Variants in COL4A2 observed in about 807,000 individuals in gnomAD.
The protein encoded by COL4A2 is collagen type IV alpha 2 chain, also known as collagen alpha-2(IV) chain.
A neutral mutation model predicts 200.2 loss-of-function variants in COL4A2; 99 were observed. The ratio of observed to expected loss-of-function variants is 0.49; its 90% CI spans 0.42 to 0.58. COL4A2 has a LOEUF of 0.58. Ranked by LOEUF, COL4A2 falls within the 20% of genes least tolerant of loss-of-function variation. COL4A2 has a pLI of 0.00. For missense variants in COL4A2, 1,950 were observed against 2,314.1 expected, an observed-to-expected ratio of 0.84 and a Z score of 3.23; for synonymous variants, 897 against 900.6, an observed-to-expected ratio of 1.00 and a Z score of 0.07.
At chr13:110,500,372 A>G (rs1466604197) in intron 40 of COL4A2, among the ~76,000 whole-genome samples, 2 of 152,246 alleles carry the variant, frequency 1.3e-5, no homozygotes, top group Non-Finnish European at 2.9e-5. Context: ...GAGGTAAAAC[A>G]AAAGGCTGAA....
At position 110,489,448 on chromosome 13, in the gene COL4A2, G is replaced by T; in HGVS notation, c.3211G>T (p.Asp1071Tyr). The T allele has an allele frequency of 6.2e-7, 1 of 1,614,178 alleles. No homozygotes were observed. The highest frequency in any genetic ancestry group is 1.1e-5 in the South Asian group (1 of 91,066). ...GFPGFIGSRG[D>Y]KGAPGRAGLY... is the part of the protein sequence containing the mutation. ...GATGGTTCATGTCTGTCTTTAGGGT[G>T]ACAAAGGTGCCCCAGGGAGAGCAGG... Residue 1071 changes from aspartate (D) to tyrosine (Y), a missense_variant, in exon 35 of 48, where the codon GAC becomes TAC. Physicochemically the swap from Asp to Tyr is radical, Grantham distance 160 (BLOSUM62 -3). Transcript: ENST00000360467.
chr13:110,385,080 C>G (rs188376572), intron 4 of COL4A2, among the ~76,000 whole-genome samples: 2 of 151,972 alleles, frequency 1.3e-5, no homozygotes, highest in African/African-American at 4.8e-5. Flanking sequence ...TTGGCTAACA[C>G]GGTAAAACAC....
chr13:110,470,042 G>A lies in COL4A2; in HGVS notation c.2203+718G>A, dbSNP rs750306902. Among the ~76,000 whole-genome samples the A allele has an allele frequency of 2.0e-5, 3 of 151,086 alleles. No homozygotes were observed. The South Asian group carries it at 6.3e-4, about 32-fold the overall frequency. ...CGACTCTCCTGCCTCAGCCTCCTGA[G>A]TAGCTGGGATTACAGGCATGTGCCA... is the stretch of plus-strand genomic sequence containing the variant. On this transcript the variant is annotated intron_variant, in intron 28 of 47. Coordinates refer to ENST00000360467, the MANE Select transcript of COL4A2 (RefSeq NM_001846.4).
intron 11 of COL4A2, among the ~76,000 whole-genome samples, chr13:110,433,788 T>C (rs147158620): frequency 8.5e-4 from 129 of 152,344 alleles, no homozygotes; most frequent in African/African-American, 2.8e-3. Flanking sequence ...GTCAGCGTTG[T>C]CAGTCCTCCC....
chr13:110,472,500 G>A (rs947287123), intron 28 of COL4A2, among the ~76,000 whole-genome samples: 6 of 152,096 alleles, frequency 3.9e-5, no homozygotes, highest in South Asian at 2.1e-4. Flanking sequence ...GGCAGGCAGC[G>A]TTTTGGCTCT....
In COL4A2 at chr13:110,308,272, G is replaced by A. The variant is rs577161614; in HGVS notation, c.99+149G>A. On this transcript the variant is annotated intron_variant, in intron 3 of 47. Transcript: ENST00000360467. ...GGCTGCCCACCAAGGTTCTGAGAAA[G>A]CTTGCTCTTCCCTCATCATGCTTTC... 7 of 852,580 alleles carry A rather than the reference G, an allele frequency of 8.2e-6. No homozygotes were observed. In the South Asian group the frequency reaches 1.1e-4, roughly 14 times the overall value. 52.8% of individuals were successfully genotyped at this position (852,580 alleles called of 1,614,324 possible). A position where few individuals can be genotyped will look rare whatever the true frequency, so the allele number is the denominator to read the frequency against.
At chr13:110,367,783 G>A (rs1877818568) in intron 4 of COL4A2, among the ~76,000 whole-genome samples, 1 of 152,204 alleles carries the variant, frequency 6.6e-6, no homozygotes, top group South Asian at 2.1e-4. Context: ...GTTGCTTTTA[G>A]CATACTGCTC....
At position 110,450,420 on chromosome 13, in the gene COL4A2, A is replaced by G; in HGVS notation, c.1305A>G (p.Gly435=). ...CTGATGGAAAGCGAGGGCCTCCAGG[A>G]CCCCCCGGGCTCCCTGGACCACCTG... ...PGPDGKRGPP[G]PPGLPGPPGP... is the part of the protein sequence containing the mutation. Residue 435 remains glycine (G), a synonymous_variant, in exon 20 of 48, where the codon GGA becomes GGG. Transcript: ENST00000360467. The G allele has an allele frequency of 6.2e-7, 1 of 1,613,604 alleles. No individual in the cohort carries two copies. Among genetic ancestry groups the G allele is most frequent in the Non-Finnish European group, 8.5e-7 (1 of 1,179,876 alleles).
Position 110,485,041 on chromosome 13 carries a change from CCTG to C in COL4A2, c.3025+16_3025+18del. The C allele has an allele frequency of 6.4e-7, 1 of 1,571,912 alleles. No individual in the cohort carries two copies. ...TGGGCGCAAAAGGTGAGGCTTCTGA[CCTG>C]CAGCCAGGGGCCCCTAGTCCCTGCC... On this transcript the variant is annotated intron_variant, in intron 33 of 47. Transcript: ENST00000360467.
intron 43 of COL4A2, 143 bp downstream of exon 43, chr13:110,503,624 C>T: frequency 4.2e-6 from 3 of 716,112 alleles, no homozygotes; most frequent in Non-Finnish European, 7.0e-6. Flanking sequence ...CAAGGCTGTG[C>T]CTCGGATGTT....
Position 110,493,206 on chromosome 13 carries a change from C to A in COL4A2, c.3563-5C>A. ...AATAAATAACGATGAGTGACACCCCCGCAGGTTTTCCGGGACTCCGTGGGA... is the reference window on the plus strand; with the variant it reads ...AATAAATAACGATGAGTGACACCCCAGCAGGTTTTCCGGGACTCCGTGGGA... On this transcript the variant is annotated splice_region_variant and splice_polypyrimidine_tract_variant and intron_variant, in intron 38 of 47. Coordinates refer to ENST00000360467, the MANE Select transcript of COL4A2 (RefSeq NM_001846.4). 6.2e-7 allele frequency: 1 copy of A among 1,614,152 alleles called. No homozygotes were observed. The highest frequency in any genetic ancestry group is 8.5e-7 in the Non-Finnish European group (1 of 1,180,034).
intron 11 of COL4A2, among the ~76,000 whole-genome samples, chr13:110,433,802 C>T (rs757075411): frequency 1.6e-4 from 24 of 152,198 alleles, no homozygotes; most frequent in South Asian, 4.1e-4. Flanking sequence ...TCCTCCCACA[C>T]GTGGCTACTA....
At chr13:110,436,247 G>T (rs1414098182) in intron 12 of COL4A2, 22 bp from the exon 13 acceptor site, 1 of 1,613,384 alleles carries the variant, frequency 6.2e-7, no homozygotes, top group Non-Finnish European at 8.5e-7. Context: ...AAAGACAACT[G>T]CTTTTGCTTA....
rs1882011710 is a variant in COL4A2, at chr13:110,461,160, C to CT, written c.1597-949dup. The stretch of plus-strand genomic sequence containing the variant: ...TGCAGGCAGCTTCTCTCTAAAGTAT[C>CT]TTTTTCTCTCAACCTTAACCTCAGT... On this transcript the variant is annotated intron_variant, in intron 22 of 47. Coordinates refer to ENST00000360467, the MANE Select transcript of COL4A2 (RefSeq NM_001846.4). Among the ~76,000 whole-genome samples, 5 of 152,358 alleles carry CT rather than the reference C, an allele frequency of 3.3e-5. No homozygotes were observed. In the South Asian group the frequency reaches 1.0e-3, roughly 32 times the overall value.
intron 38 of COL4A2, 42 bp downstream of exon 38, chr13:110,492,219 G>C (rs372747487): frequency 6.6e-7 from 1 of 1,524,644 alleles, no homozygotes; most frequent in Admixed American, 2.0e-5. Flanking sequence ...ACCCAGAGTC[G>C]TGGGCTGTGC....
At chr13:110,505,150 A>G (rs1165588361) in intron 45 of COL4A2, among the ~76,000 whole-genome samples, 3 of 151,462 alleles carry the variant, frequency 2.0e-5, no homozygotes, top group Non-Finnish European at 4.4e-5. Flanking sequence ...GGAGATCGAG[A>G]CCATCCTGGC....
chr13:110,392,716 G>A (rs1463287678), intron 4 of COL4A2, among the ~76,000 whole-genome samples: 1 of 152,116 alleles, frequency 6.6e-6, no homozygotes. Flanking sequence ...TCTAACTGTG[G>A]TCAAGAATAA....
intron 15 of COL4A2, 53 bp downstream of exon 15, chr13:110,438,721 G>C: frequency 6.2e-7 from 1 of 1,611,842 alleles, no homozygotes; most frequent in South Asian, 1.1e-5. Flanking sequence ...GTTTTTTTCA[G>C]TAGGCTTTCC....
Position 110,338,552 on chromosome 13 carries a change from A to C in COL4A2, c.100-18920A>C, listed in dbSNP as rs559390464. ...GCTGGCCTGGGCCTTCCCAGTTAGCACTCACTGAAAACAACGGGCCTCTGC... is the reference window on the plus strand; with the variant it reads ...GCTGGCCTGGGCCTTCCCAGTTAGCCCTCACTGAAAACAACGGGCCTCTGC... On this transcript the variant is annotated intron_variant, in intron 3 of 47. Coordinates refer to ENST00000360467, the MANE Select transcript of COL4A2 (RefSeq NM_001846.4). Among the ~76,000 whole-genome samples, 4 of 152,236 alleles carry C rather than the reference A, an allele frequency of 2.6e-5. No homozygotes were observed. In the South Asian group the frequency reaches 8.3e-4, roughly 32 times the overall value.
Sources: allele counts gnomAD v4.1 joint callset (sites outside exome capture counted in the v4.1 genomes callset), GRCh38; gene constraint gnomAD v4.1.1; transcripts MANE v1.5; gene names NCBI Gene and HGNC (gene_info 2026-07-23, HGNC 2026-07-21).